ARHGAP21: variants seen among roughly 807,000 people sequenced by gnomAD.
The protein encoded by ARHGAP21 is rho GTPase-activating protein 21.
Under a neutral mutation model 164.6 loss-of-function variants are expected in ARHGAP21, and 38 were observed. The ratio of observed to expected loss-of-function variants is 0.23; its 90% CI spans 0.18 to 0.30. ARHGAP21 has a LOEUF of 0.30. Ranked by LOEUF, ARHGAP21 falls within the 10% of genes least tolerant of loss-of-function variation. ARHGAP21 has a pLI of 1.00. For synonymous variants in ARHGAP21, 766 were observed against 857.9 expected (o/e 0.89, Z 1.87); for missense variants, 1,822 against 2,370.7 (o/e 0.77, Z 4.81).
At chr10:24,647,254 C>G (rs1367340982) in intron 4 of ARHGAP21, among the ~76,000 whole-genome samples, 1 of 152,160 alleles carries the variant, frequency 6.6e-6, no homozygotes, top group Non-Finnish European at 1.5e-5. Context: ...ACAAGGTTTC[C>G]CAGGACTTGA....
chr10:24,705,998 A>G (rs146203632), intron 2 of ARHGAP21, among the ~76,000 whole-genome samples: 1 of 152,210 alleles, frequency 6.6e-6, no homozygotes, highest in African/African-American at 2.4e-5. Flanking sequence ...GATTTTCTCT[A>G]TTGCAAAATA....
chr10:24,584,436 T>C lies in ARHGAP21; in HGVS notation c.5853A>G (p.Lys1951=), dbSNP rs1210399571. The C allele has an allele frequency of 6.2e-7, 1 of 1,611,350 alleles. No individual in the cohort carries two copies. Among genetic ancestry groups the C allele is most frequent in the African/African-American group, 1.3e-5 (1 of 74,810 alleles). Residue 1951 remains lysine (K), a synonymous_variant, in exon 26 of 26, where the codon AAA becomes AAG. Coordinates refer to ENST00000396432, the MANE Select transcript of ARHGAP21 (RefSeq NM_020824.4). Reference sequence around the variant, plus strand: ...TTTAAAGACAGGGATGAAACTCTGCTTTACTGCCTGGGGTTTCAGACAGTT... The same window carrying C: ...TTTAAAGACAGGGATGAAACTCTGCCTTACTGCCTGGGGTTTCAGACAGTT... The part of the protein sequence containing the change: ...PHKLSETPGS[K]AEFHPCL
At chr10:24,596,223 AAGAAG>A (rs1402842953) in intron 17 of ARHGAP21, 180 bp from the exon 18 acceptor site, 8 of 546,720 alleles carry the variant, frequency 1.5e-5, no homozygotes, top group African/African-American at 1.4e-4. Context: ...TTGAGACAGT[AAGAAG>A]AGAACAAAGA....
At chr10:24,696,852 C>T (rs1033115533) in intron 2 of ARHGAP21, among the ~76,000 whole-genome samples, 5 of 152,176 alleles carry the variant, frequency 3.3e-5, no homozygotes, top group African/African-American at 7.2e-5. Flanking sequence ...CAGGACACTC[C>T]GTGTACCACG....
At chr10:24,622,849 G>T in intron 7 of ARHGAP21, 87 bp from the exon 8 acceptor site, 1 of 1,341,744 alleles carries the variant, frequency 7.5e-7, no homozygotes, top group Non-Finnish European at 1.0e-6. Flanking sequence ...GAAACGGCAA[G>T]CTAAAAATAC....
At chr10:24,621,469 CTGAG>C in intron 8 of ARHGAP21, 100 bp from the exon 9 acceptor site, 1 of 1,086,986 alleles carries the variant, frequency 9.2e-7, no homozygotes, top group South Asian at 1.7e-5. Flanking sequence ...TACCTCGTTC[CTGAG>C]TGACATTCAC....
At chr10:24,591,730 TATACTGAG>T (rs1269094851) in intron 22 of ARHGAP21, 47 bp from the exon 23 acceptor site, 1 of 1,607,700 alleles carries the variant, frequency 6.2e-7, no homozygotes, top group Admixed American at 1.7e-5. Flanking sequence ...AGCCTTTAAA[TATACTGAG>T]ATCTTGGAGG....
chr10:24,603,266 A>G (rs562312100), intron 12 of ARHGAP21, among the ~76,000 whole-genome samples: 1 of 152,254 alleles, frequency 6.6e-6, no homozygotes, highest in Admixed American at 6.5e-5. Flanking sequence ...GTGTGGCAAG[A>G]TGGAAGCCAG....
chr10:24,594,006 TTC>T (rs1341712802), intron 21 of ARHGAP21, among the ~76,000 whole-genome samples: 1 of 152,158 alleles, frequency 6.6e-6, no homozygotes, highest in Non-Finnish European at 1.5e-5. Flanking sequence ...TCCTTACAAC[TTC>T]CAGAACATGC....
chr10:24,654,371 GA>G (rs145560823), intron 4 of ARHGAP21, among the ~76,000 whole-genome samples: 8,670 of 152,236 alleles, frequency 0.057, 537 homozygotes, highest in East Asian at 0.29. Context: ...TGTATATTTA[GA>G]AAACCCTATC....
In ARHGAP21 at chr10:24,584,598, G is replaced by A. The variant is rs767741781; in HGVS notation, c.5691C>T (p.Gly1897=). The change falls in exon 26 of 26, where the codon GGC becomes GGT. Residue 1897 remains glycine (G), a synonymous_variant. Coordinates refer to ENST00000396432, the MANE Select transcript of ARHGAP21 (RefSeq NM_020824.4). ...DTPLSLHCNT[G]SSSSTLASTN... ...TTGAAGCCAAGGTGCTGGAAGAACT[G>A]CCTGTGTTGCAATGAAGAGACAAAG... is the stretch of plus-strand genomic sequence containing the variant. 3.7e-6 allele frequency: 6 copies of A among 1,613,816 alleles called. No individual in the cohort carries two copies. In the South Asian group the frequency reaches 4.4e-5, roughly 12 times the overall value.
chr10:24,657,200 A>G (rs1162238341), intron 4 of ARHGAP21, among the ~76,000 whole-genome samples: 1 of 15,186 alleles, frequency 6.6e-5, no homozygotes, highest in Non-Finnish European at 1.1e-4. Flanking sequence ...CCTACTGGGA[A>G]GTGAGGAGCC....
At chr10:24,652,457 A>G (rs1360989533) in intron 4 of ARHGAP21, among the ~76,000 whole-genome samples, 1 of 152,160 alleles carries the variant, frequency 6.6e-6, no homozygotes, top group East Asian at 1.9e-4. Context: ...TAAACTATTA[A>G]CCACAAAAGG....
chr10:24,595,442 A>AAAAACATTTTTCTACT (rs2076539100), intron 19 of ARHGAP21, among the ~76,000 whole-genome samples: 1 of 152,192 alleles, frequency 6.6e-6, no homozygotes, highest in Non-Finnish European at 1.5e-5. Flanking sequence ...GCTTGACTGA[A>AAAAACATTTTTCTACT]AAAACATTTT....
intron 2 of ARHGAP21, among the ~76,000 whole-genome samples, chr10:24,684,243 T>C (rs7910379): frequency 0.81 from 123,284 of 151,888 alleles, 50,187 homozygotes; most frequent in African/African-American, 0.88. Context: ...GCCAAGATCG[T>C]GCCATTGCAC....
chr10:24,722,994 G>A (rs969297646), intron 1 of ARHGAP21, among the ~76,000 whole-genome samples: 1 of 151,932 alleles, frequency 6.6e-6, no homozygotes, highest in East Asian at 1.9e-4. Flanking sequence ...GCCACCTAGG[G>A]GGAAAAAACG....
At chr10:24,596,658 T>C (rs752839244) in intron 17 of ARHGAP21, 82 bp downstream of exon 17, 3 of 1,571,206 alleles carry the variant, frequency 1.9e-6, no homozygotes, top group Non-Finnish European at 2.6e-6. Flanking sequence ...CTCTGTTGTC[T>C]GAAAGGCTAT....
intron 2 of ARHGAP21, among the ~76,000 whole-genome samples, chr10:24,693,280 T>C (rs999554621): frequency 3.3e-5 from 5 of 152,238 alleles, no homozygotes; most frequent in African/African-American, 9.6e-5. Flanking sequence ...CTGATTGTCA[T>C]TGTCATGCTA....
chr10:24,592,327 C>G (rs909031458), intron 21 of ARHGAP21, among the ~76,000 whole-genome samples: 1 of 151,990 alleles, frequency 6.6e-6, no homozygotes, highest in Non-Finnish European at 1.5e-5. Flanking sequence ...GTGTCAGCCA[C>G]CACAAGTGGC....
Sources: allele counts gnomAD v4.1 joint callset (sites outside exome capture counted in the v4.1 genomes callset), GRCh38; gene constraint gnomAD v4.1.1; transcripts MANE v1.5; gene names NCBI Gene and HGNC (gene_info 2026-07-23, HGNC 2026-07-21).